The following ACACA variants were observed in gnomAD, a reference collection of about 807,000 sequenced individuals.
ACACA encodes the protein acetyl-CoA carboxylase 1.
A neutral mutation model predicts 296.1 loss-of-function variants in ACACA; 103 were observed. That is an observed-to-expected ratio of 0.35 (90% CI 0.30 to 0.41). The LOEUF is 0.41. Ranked by LOEUF, ACACA falls within the 10% of genes least tolerant of loss-of-function variation. The pLI, the probability that ACACA is intolerant of heterozygous loss-of-function variation, is 1.00. For missense variants in ACACA, 1,554 were observed against 2,989.7 expected (o/e 0.52, Z 11.20); for synonymous variants, 953 against 1,038.6 (o/e 0.92, Z 1.58).
At chr17:37,365,342 A>G (rs2049570682) in intron 1 of ACACA, 4 of 599,614 alleles carry the variant, frequency 6.7e-6, no homozygotes, top group Admixed American at 1.3e-4. Context: ...GGCAGAGACC[A>G]TCTCTTATAG....
rs747149074 is a variant in ACACA at position 37,284,947 on chromosome 17, A to G, written c.362T>C (p.Leu121Pro). 6.2e-7 allele frequency: 1 copy of G among 1,614,138 alleles called. No homozygotes were observed. The highest frequency in any genetic ancestry group is 1.1e-5 in the South Asian group (1 of 91,080). Residue 121 changes from leucine (L) to proline (P), a missense_variant, in exon 4 of 56, where the codon CTA becomes CCA. By Grantham distance (98) the Leu-to-Pro change is moderately conservative. This residue lies in a region of ACACA where 140 missense variants were observed against 147.7 expected (regional missense o/e 0.95). Coordinates refer to ENST00000616317, the MANE Select transcript of ACACA (RefSeq NM_198834.3). ...HIRSSMSGLH[L>P]VKQGRDRKKI... ...CTTTCTGTCTCGGCCCTGCTTTACT[A>G]GGTGCAAGCCAGACATGCTGGACCT...
chr17:37,180,328 A>G (rs7221195), intron 40 of ACACA, among the ~76,000 whole-genome samples: 3,892 of 152,302 alleles, frequency 0.026, 124 homozygotes, highest in African/African-American at 0.074. Context: ...TTGTAAACAA[A>G]TGGTTGCATA....
At chr17:37,342,903 G>C (rs1483422341) in intron 1 of ACACA, among the ~76,000 whole-genome samples, 2 of 152,024 alleles carry the variant, frequency 1.3e-5, no homozygotes, top group Admixed American at 6.6e-5. Context: ...ACTCCAGCCT[G>C]GCCAACAGAA....
intron 3 of ACACA, among the ~76,000 whole-genome samples, chr17:37,314,938 C>T (rs1315970820): frequency 2.0e-5 from 3 of 148,618 alleles, no homozygotes; most frequent in Admixed American, 6.7e-5. Flanking sequence ...CTACCGCACC[C>T]GGCCAGGAAT....
chr17:37,100,366 G>T (rs1396694214), intron 52 of ACACA, among the ~76,000 whole-genome samples: 2 of 152,066 alleles, frequency 1.3e-5, no homozygotes, highest in Admixed American at 1.3e-4. Context: ...TCACCAAGAG[G>T]ACAGACTGAT....
At position 37,085,333 on chromosome 17, in the gene ACACA, A is replaced by G. The variant is rs2072129002; in HGVS notation, c.*1983T>C. 1 of 327,300 alleles carries G rather than the reference A, an allele frequency of 3.1e-6. No homozygotes were observed. The highest frequency in any genetic ancestry group is 5.5e-6 in the Non-Finnish European group (1 of 181,314). 20.3% of individuals were successfully genotyped at this position (327,300 alleles called of 1,614,324 possible). A position where few individuals can be genotyped will look rare whatever the true frequency, so the allele number is the denominator to read the frequency against. ...GAGGCATTACAGGGTTCTAGAGAGG[A>G]AACATACTCGTTTGTGTCATAATTT... On this transcript the variant is annotated 3_prime_UTR_variant, in exon 56 of 56. Coordinates refer to ENST00000616317, the MANE Select transcript of ACACA (RefSeq NM_198834.3).
intron 29 of ACACA, among the ~76,000 whole-genome samples, chr17:37,219,741 T>G (rs902931654): frequency 6.7e-6 from 1 of 149,100 alleles, no homozygotes; most frequent in Admixed American, 6.7e-5. Flanking sequence ...ATATTATGTA[T>G]ATAATCTTAT....
intron 3 of ACACA, among the ~76,000 whole-genome samples, chr17:37,321,999 C>T (rs1480614702): frequency 1.3e-5 from 2 of 150,058 alleles, no homozygotes; most frequent in Non-Finnish European, 3.0e-5. Flanking sequence ...AACTCATTAA[C>T]ATACTATGAC....
At chr17:37,289,636 T>G in intron 3 of ACACA, 1 of 571,868 alleles carries the variant, frequency 1.7e-6, no homozygotes. Flanking sequence ...CAATACCATG[T>G]GCTCTCCGGC....
chr17:37,327,592 A>G lies in ACACA; in HGVS notation c.338+2581T>C, dbSNP rs2047679673. Among the ~76,000 whole-genome samples, 4 of 152,222 alleles carry G rather than the reference A, an allele frequency of 2.6e-5. No homozygotes were observed. In the South Asian group the frequency reaches 8.3e-4, roughly 32 times the overall value. On this transcript the variant is annotated intron_variant, in intron 3 of 55. Coordinates refer to ENST00000616317, the MANE Select transcript of ACACA (RefSeq NM_198834.3). ...CATCAACTTTGGGAATGACTTGGCA[A>G]CTACAAACTGCCTTGTGATATCACT...
chr17:37,200,157 C>G lies in ACACA; in HGVS notation c.4140G>C (p.Glu1380Asp). 1 of 1,607,668 alleles carries G rather than the reference C, an allele frequency of 6.2e-7. No individual in the cohort carries two copies. The highest frequency in any genetic ancestry group is 8.5e-7 in the Non-Finnish European group (1 of 1,174,312). Residue 1380 changes from glutamate (E) to aspartate (D), a missense_variant, in exon 35 of 56, where the codon GAG becomes GAC. Glu to Asp is a conservative substitution (Grantham distance 45). This residue lies in a region of ACACA where 179 missense variants were observed against 283.2 expected (regional missense o/e 0.63). Coordinates refer to ENST00000616317, the MANE Select transcript of ACACA (RefSeq NM_198834.3). The part of the protein sequence containing the change: ...QKDFRKQVNY[E>D]VDRRFHREFP... ...TACTTACATGAAATCTCCGATCCAC[C>G]TCATAGTTGACCTGCTTTCTGAAAT...
At position 37,191,120 on chromosome 17, in the gene ACACA, C is replaced by G. The variant is rs1461085260; in HGVS notation, c.4572G>C (p.Lys1524Asn). Residue 1524 changes from lysine (K) to asparagine (N), a missense_variant and splice_region_variant, in exon 38 of 56, where the codon AAG becomes AAC. Physicochemically the swap from Lys to Asn is moderately conservative, Grantham distance 94. Around this residue, in one of 16 missense-constraint regions of ACACA, gnomAD observed 35 missense variants for 131.8 expected, o/e 0.27. Transcript: ENST00000616317. ...FVPTVIMDPSKIEESVRSMVM... is the reference protein window; with the variant it reads ...FVPTVIMDPSNIEESVRSMVM... ...GGAGAGAAGCTAAGGAGAAATGTAC[C>G]TTTGATGGGTCCATGATAACCGTGG... 6.2e-7 allele frequency: 1 copy of G among 1,613,868 alleles called. No individual in the cohort carries two copies. The highest frequency in any genetic ancestry group is 1.3e-5 in the African/African-American group (1 of 74,874).
intron 3 of ACACA, among the ~76,000 whole-genome samples, chr17:37,320,526 T>C (rs1235591529): frequency 6.7e-6 from 1 of 148,186 alleles, no homozygotes; most frequent in Non-Finnish European, 1.5e-5. Flanking sequence ...AAAAAAAGCA[T>C]ATCTGTTACA....
chr17:37,139,257 G>A (rs2075460804), intron 45 of ACACA, among the ~76,000 whole-genome samples: 1 of 152,202 alleles, frequency 6.6e-6, no homozygotes, highest in Non-Finnish European at 1.5e-5. Context: ...CCCTTAGCTT[G>A]AGTTCAGAGA....
intron 45 of ACACA, among the ~76,000 whole-genome samples, chr17:37,148,040 T>C (rs1050618547): frequency 1.3e-5 from 2 of 151,962 alleles, no homozygotes; most frequent in African/African-American, 4.8e-5. Context: ...TAAGAAGATA[T>C]ATTTCAGAAA....
intron 1 of ACACA, among the ~76,000 whole-genome samples, chr17:37,359,464 C>T (rs1455461054): frequency 6.6e-6 from 1 of 151,954 alleles, no homozygotes; most frequent in East Asian, 1.9e-4. Flanking sequence ...GCGCCCCTGG[C>T]CCGGCCTTCG....
chr17:37,369,985 C>T (rs1359649628), intron 1 of ACACA, among the ~76,000 whole-genome samples: 1 of 148,448 alleles, frequency 6.7e-6, no homozygotes, highest in Non-Finnish European at 1.5e-5. Flanking sequence ...GGATTACAGG[C>T]GTGAGCCACT....
intron 3 of ACACA, among the ~76,000 whole-genome samples, chr17:37,325,695 C>A (rs917065605): frequency 6.0e-5 from 9 of 149,862 alleles, no homozygotes; most frequent in Non-Finnish European, 8.9e-5. Context: ...CTGCCTCAGC[C>A]TCTCGACTGG....
At chr17:37,355,461 C>G (rs962103937) in intron 1 of ACACA, among the ~76,000 whole-genome samples, 5 of 151,642 alleles carry the variant, frequency 3.3e-5, no homozygotes, top group African/African-American at 1.2e-4. Flanking sequence ...GAGGCTGAGG[C>G]AGGAGAATCG....
Sources: gnomAD v4.1 joint callset for allele counts (sites outside exome capture counted in the v4.1 genomes callset) on GRCh38, gnomAD v4.1.1 for gene constraint, gnomAD v4.1.1 regional missense constraint, MANE v1.5 for transcripts, NCBI Gene and HGNC (gene_info 2026-07-23, HGNC 2026-07-21) for gene names.